The following RALGPS2 variants were observed in gnomAD, a reference collection of about 807,000 sequenced individuals.
The protein encoded by RALGPS2 is Ral GEF with PH domain and SH3 binding motif 2.
Under a neutral mutation model 86.8 loss-of-function variants are expected in RALGPS2, and 43 were observed. The ratio of observed to expected loss-of-function variants is 0.50; its 90% CI spans 0.39 to 0.64. The LOEUF (loss-of-function observed/expected upper bound fraction) is 0.64. Ranked by LOEUF, RALGPS2 falls within the 30% of genes least tolerant of loss-of-function variation. The pLI, the probability that RALGPS2 is intolerant of heterozygous loss-of-function variation, is 0.00. For synonymous variants in RALGPS2, 243 were observed against 231.3 expected, an observed-to-expected ratio of 1.05 and a Z score of -0.46; for missense variants, 536 against 694.6, an observed-to-expected ratio of 0.77 and a Z score of 2.57.
At chr1:178,730,188 C>G (rs1006970417) in intron 1 of RALGPS2, among the ~76,000 whole-genome samples, 1 of 152,208 alleles carries the variant, frequency 6.6e-6, no homozygotes, top group East Asian at 1.9e-4. Context: ...TCCACCCGTT[C>G]TCCCTGGCCT....
At chr1:178,760,711 T>C (rs976734955) in intron 1 of RALGPS2, among the ~76,000 whole-genome samples, 4 of 152,164 alleles carry the variant, frequency 2.6e-5, no homozygotes, top group African/African-American at 9.7e-5. Flanking sequence ...TCTCTATTTG[T>C]CTTTAAGATT....
At chr1:178,732,758 T>C (rs1650471473) in intron 1 of RALGPS2, among the ~76,000 whole-genome samples, 1 of 151,780 alleles carries the variant, frequency 6.6e-6, no homozygotes, top group Non-Finnish European at 1.5e-5. Context: ...AAACATAAAA[T>C]GTTGAATTCA....
intron 2 of RALGPS2, among the ~76,000 whole-genome samples, chr1:178,783,299 T>C (rs1653484405): frequency 6.6e-6 from 1 of 151,450 alleles, no homozygotes; most frequent in South Asian, 2.1e-4. Context: ...GACTTGTCAG[T>C]AAAACTTCCC....
At chr1:178,840,916 C>T (rs1656573834) in intron 8 of RALGPS2, among the ~76,000 whole-genome samples, 1 of 152,140 alleles carries the variant, frequency 6.6e-6, no homozygotes, top group Non-Finnish European at 1.5e-5. Context: ...TGGATAAATT[C>T]CTGGACACAT....
intron 1 of RALGPS2, chr1:178,747,002 C>G: frequency 1.1e-6 from 1 of 925,738 alleles, no homozygotes; most frequent in South Asian, 1.3e-5. Context: ...ATACTAGAAT[C>G]TCCCTTTACA....
intron 8 of RALGPS2, among the ~76,000 whole-genome samples, chr1:178,875,924 A>G (rs1252916106): frequency 6.6e-6 from 1 of 152,182 alleles, no homozygotes; most frequent in Non-Finnish European, 1.5e-5. Context: ...AGATTGGGGA[A>G]AGTGGGAAGA....
chr1:178,808,853 C>A lies in RALGPS2; in HGVS notation c.297+725C>A, dbSNP rs1193926216. 5.3e-5 allele frequency among the ~76,000 whole-genome samples: 8 copies of A among 152,164 alleles called. No individual in the cohort carries two copies. In the East Asian group the frequency reaches 1.5e-3, roughly 29 times the overall value. ...AAAGGCAGCCTGTAGTTAACAAATT[C>A]TTCTTTTAAAATTAAATTAATTTTT... On this transcript the variant is annotated intron_variant, in intron 5 of 19. Coordinates refer to ENST00000367635, the MANE Select transcript of RALGPS2 (RefSeq NM_152663.5).
intron 7 of RALGPS2, 142 bp downstream of exon 7, chr1:178,821,846 A>G: frequency 1.4e-6 from 1 of 706,902 alleles, no homozygotes; most frequent in Non-Finnish European, 2.3e-6. Context: ...CTATTCTTTG[A>G]TACCTACATT....
intron 17 of RALGPS2, 139 bp from the exon 18 acceptor site, chr1:178,901,967 C>T: frequency 1.6e-6 from 1 of 619,958 alleles, no homozygotes; most frequent in Non-Finnish European, 2.8e-6. Context: ...TAAAAGGCCC[C>T]AGGCTGGCTG....
chr1:178,883,350 G>A, intron 10 of RALGPS2, 116 bp from the exon 11 acceptor site: 2 of 773,706 alleles, frequency 2.6e-6, no homozygotes, highest in Non-Finnish European at 4.3e-6. Flanking sequence ...AAGTATATAG[G>A]TCAGATTATT....
At chr1:178,851,387 C>T in intron 8 of RALGPS2, 1 of 1,334,488 alleles carries the variant, frequency 7.5e-7, no homozygotes, top group Non-Finnish European at 9.9e-7. Context: ...TCATAAAAAA[C>T]TTATTCTACC....
chr1:178,865,823 G>T (rs1243394397), intron 8 of RALGPS2: 1 of 1,437,400 alleles, frequency 7.0e-7, no homozygotes, highest in East Asian at 2.3e-5. Flanking sequence ...ACAAATCAGT[G>T]AAGGAGAAAA....
At chr1:178,765,596 CAG>C (rs1652464143) in intron 1 of RALGPS2, among the ~76,000 whole-genome samples, 1 of 152,114 alleles carries the variant, frequency 6.6e-6, no homozygotes. Context: ...TATCAGGAGA[CAG>C]GGTTTGAGAG....
At chr1:178,756,415 G>C (rs528970496) in intron 1 of RALGPS2, among the ~76,000 whole-genome samples, 12 of 152,076 alleles carry the variant, frequency 7.9e-5, no homozygotes, top group Admixed American at 6.6e-5. Context: ...TTAATAGGAA[G>C]ACTTTTCCCA....
At chr1:178,868,807 G>A (rs946407119) in intron 8 of RALGPS2, among the ~76,000 whole-genome samples, 14 of 151,828 alleles carry the variant, frequency 9.2e-5, no homozygotes, top group Admixed American at 8.5e-4. Context: ...TAAAAGTTTA[G>A]TTTTTAAATA....
intron 1 of RALGPS2, among the ~76,000 whole-genome samples, chr1:178,734,113 G>A (rs745783693): frequency 1.3e-5 from 2 of 152,148 alleles, no homozygotes; most frequent in South Asian, 2.1e-4. Flanking sequence ...ATGAAAACAT[G>A]CTCGACATTA....
intron 8 of RALGPS2, chr1:178,852,598 A>G (rs1657246739): frequency 2.1e-6 from 3 of 1,423,284 alleles, no homozygotes; most frequent in Non-Finnish European, 2.8e-6. Flanking sequence ...TTTTGAAAAG[A>G]CTTTAGTAGC....
intron 2 of RALGPS2, among the ~76,000 whole-genome samples, chr1:178,781,788 CTGA>C (rs1375384873): frequency 1.3e-5 from 2 of 152,106 alleles, no homozygotes; most frequent in African/African-American, 2.4e-5. Flanking sequence ...TACTGTTTAA[CTGA>C]TGTCTATTTG....
rs2102429441 is a variant in RALGPS2, at chr1:178,917,517, G to GA, written c.*1162dup. The GA allele has an allele frequency of 6.6e-6, 1 of 152,232 alleles. No homozygotes were observed. Among genetic ancestry groups the GA allele is most frequent in the East Asian group, 1.9e-4 (1 of 5,192 alleles). 9.4% of individuals were successfully genotyped at this position (152,232 alleles called of 1,614,324 possible). ...AAATAATTTTAAGAGGGATAAAGGT[G>GA]AAAATATCAGATTCTGGAAATTTTA... On this transcript the variant is annotated 3_prime_UTR_variant, in exon 20 of 20. Transcript: ENST00000367635.
Sources: allele counts gnomAD v4.1 joint callset (sites outside exome capture counted in the v4.1 genomes callset), GRCh38; gene constraint gnomAD v4.1.1; transcripts MANE v1.5; gene names NCBI Gene and HGNC (gene_info 2026-07-23, HGNC 2026-07-21).